Variants in ROBO1 observed in about 807,000 individuals in gnomAD.
ROBO1 encodes the protein roundabout guidance receptor 1.
A neutral mutation model predicts 195.9 loss-of-function variants in ROBO1; 149 were observed. The ratio of observed to expected loss-of-function variants is 0.76; its 90% CI spans 0.67 to 0.87. ROBO1 has a LOEUF of 0.87. ROBO1 is among the 40% of genes least tolerant of loss of function. The probability of loss-of-function intolerance (pLI) is 0.00; values close to 1 mark genes in which losing one functional copy is unlikely to be tolerated. For synonymous variants in ROBO1, 816 were observed against 733.2 expected (o/e 1.11, Z -1.82); for missense variants, 1,933 against 2,068.3 (o/e 0.93, Z 1.27).
chr3:78,809,920 T>A (rs1576210075), intron 4 of ROBO1, among the ~76,000 whole-genome samples: 1 of 151,162 alleles, frequency 6.6e-6, no homozygotes, highest in Non-Finnish European at 1.5e-5. Flanking sequence ...CAAACCACCA[T>A]GGCATGTGTA....
intron 28 of ROBO1, among the ~76,000 whole-genome samples, chr3:78,607,887 G>A (rs2107300880): frequency 6.6e-6 from 1 of 152,132 alleles, no homozygotes; most frequent in East Asian, 1.9e-4. Context: ...CAATGGTTCA[G>A]TGTTCTTTAT....
intron 28 of ROBO1, among the ~76,000 whole-genome samples, chr3:78,610,183 GT>G (rs1367331643): frequency 2.6e-5 from 4 of 152,230 alleles, no homozygotes; most frequent in Non-Finnish European, 4.4e-5. Context: ...ATAAAATCAA[GT>G]TTTTTTGTCT....
At chr3:79,619,773 C>G (rs933651410) in intron 1 of ROBO1, among the ~76,000 whole-genome samples, 2 of 152,118 alleles carry the variant, frequency 1.3e-5, no homozygotes, top group Non-Finnish European at 2.9e-5. Context: ...GCTTTACCAC[C>G]CTAGACCCAG....
At chr3:79,614,833 TAAAG>T (rs1462205950) in intron 1 of ROBO1, among the ~76,000 whole-genome samples, 1 of 151,794 alleles carries the variant, frequency 6.6e-6, no homozygotes, top group Non-Finnish European at 1.5e-5. Flanking sequence ...AAAATATAAA[TAAAG>T]AGTCTTATTT....
At chr3:79,012,206 A>C (rs2077798020) in intron 3 of ROBO1, among the ~76,000 whole-genome samples, 1 of 152,216 alleles carries the variant, frequency 6.6e-6, no homozygotes. Context: ...ATAGATCCCC[A>C]AAATACTGTA....
chr3:79,529,229 T>A (rs1277826291), intron 2 of ROBO1, among the ~76,000 whole-genome samples: 1 of 152,198 alleles, frequency 6.6e-6, no homozygotes, highest in Non-Finnish European at 1.5e-5. Flanking sequence ...ATGCCTGTAA[T>A]CCCAGCATTT....
chr3:79,077,265 T>C (rs2079190349), intron 3 of ROBO1, among the ~76,000 whole-genome samples: 1 of 151,924 alleles, frequency 6.6e-6, no homozygotes, highest in South Asian at 2.1e-4. Context: ...ATATTTTTAG[T>C]GTTCTTCCTA....
chr3:79,686,531 T>C (rs1461807477), intron 1 of ROBO1, among the ~76,000 whole-genome samples: 1 of 152,156 alleles, frequency 6.6e-6, no homozygotes, highest in Non-Finnish European at 1.5e-5. Flanking sequence ...AGTCTCAGGA[T>C]ACAAAATCAA....
intron 4 of ROBO1, among the ~76,000 whole-genome samples, chr3:78,790,527 A>T (rs1013507248): frequency 6.6e-6 from 1 of 152,160 alleles, no homozygotes; most frequent in Non-Finnish European, 1.5e-5. Context: ...ATTCAATACC[A>T]TCACCCTGTG....
intron 1 of ROBO1, among the ~76,000 whole-genome samples, chr3:79,673,325 G>A (rs533351700): frequency 6.6e-6 from 1 of 151,794 alleles, no homozygotes; most frequent in East Asian, 1.9e-4. Context: ...TATGTGTGTG[G>A]GTGTGGGTGT....
intron 8 of ROBO1, chr3:78,693,197 T>A (rs1034349322): frequency 4.0e-6 from 4 of 1,007,620 alleles, no homozygotes; most frequent in Admixed American, 6.0e-5. Context: ...GCAGACTTTA[T>A]TCTGTGCAGT....
chr3:78,951,923 C>T (rs1293784654), intron 3 of ROBO1, among the ~76,000 whole-genome samples: 3 of 151,802 alleles, frequency 2.0e-5, no homozygotes, highest in Non-Finnish European at 4.4e-5. Context: ...AGAGACTGCT[C>T]GTGTTACTAT....
At chr3:79,669,613 A>T (rs1418725329) in intron 1 of ROBO1, among the ~76,000 whole-genome samples, 1 of 151,878 alleles carries the variant, frequency 6.6e-6, no homozygotes, top group African/African-American at 2.4e-5. Context: ...CGTTTGTGTA[A>T]GTGCACTCTA....
chr3:78,822,398 T>C (rs1418929894), intron 4 of ROBO1, among the ~76,000 whole-genome samples: 1 of 152,092 alleles, frequency 6.6e-6, no homozygotes, highest in Non-Finnish European at 1.5e-5. Context: ...CAAGCCAATA[T>C]TCTATAAGCA....
chr3:78,701,534 A>G (rs546691732), intron 8 of ROBO1, among the ~76,000 whole-genome samples: 8 of 152,192 alleles, frequency 5.3e-5, no homozygotes, highest in Non-Finnish European at 4.4e-5. Flanking sequence ...TTTATTCTCA[A>G]GAAACCTAAA....
intron 4 of ROBO1, among the ~76,000 whole-genome samples, chr3:78,866,274 G>C (rs1017111998): frequency 6.6e-6 from 1 of 152,168 alleles, no homozygotes; most frequent in Non-Finnish European, 1.5e-5. Flanking sequence ...AGAGCATTTA[G>C]AAAACTATTT....
rs563475870 is a variant in ROBO1 at position 79,069,837 on chromosome 3, C to T, written c.172+55619G>A. On this transcript the variant is annotated intron_variant, in intron 3 of 30. Coordinates refer to ENST00000464233, the MANE Select transcript of ROBO1 (RefSeq NM_002941.4). ...TTAATCAGTATATGAGAACAATTCC[C>T]AGAAAATAATAGTTATAATATTGTT... Among the ~76,000 whole-genome samples, 11 of 151,956 alleles carry T rather than the reference C, an allele frequency of 7.2e-5. No individual in the cohort carries two copies. In the East Asian group the frequency reaches 2.1e-3, roughly 30 times the overall value.
intron 2 of ROBO1, among the ~76,000 whole-genome samples, chr3:79,307,440 A>G (rs1197680043): frequency 6.6e-6 from 1 of 152,160 alleles, no homozygotes; most frequent in African/African-American, 2.4e-5. Flanking sequence ...AAATAGTGCA[A>G]TGCCTTTTAA....
intron 3 of ROBO1, among the ~76,000 whole-genome samples, chr3:78,994,965 C>T (rs2077325727): frequency 6.6e-6 from 1 of 152,114 alleles, no homozygotes; most frequent in Admixed American, 6.6e-5. Flanking sequence ...TCCATACATT[C>T]AGCCTACCAG....
Sources: allele counts gnomAD v4.1 joint callset (sites outside exome capture counted in the v4.1 genomes callset), GRCh38; gene constraint gnomAD v4.1.1; transcripts MANE v1.5; gene names NCBI Gene and HGNC (gene_info 2026-07-23, HGNC 2026-07-21).